Variants in SNTB1 observed in about 807,000 individuals in gnomAD.
The protein encoded by SNTB1 is syntrophin beta 1.
Under a neutral mutation model 48.9 loss-of-function variants are expected in SNTB1, and 36 were observed. That is an observed-to-expected ratio of 0.74 (90% CI 0.56 to 0.97). The LOEUF (loss-of-function observed/expected upper bound fraction) is 0.97, where lower values mean the gene tolerates loss of function less well. Ranked by LOEUF, SNTB1 falls within the 50% of genes least tolerant of loss-of-function variation. The pLI is 0.00. For synonymous variants in SNTB1, 299 were observed against 294.6 expected, an observed-to-expected ratio of 1.01 and a Z score of -0.15; for missense variants, 786 against 703.4, an observed-to-expected ratio of 1.12 and a Z score of -1.33.
chr8:120,746,201 C>T (rs770642361), intron 1 of SNTB1, among the ~76,000 whole-genome samples: 60 of 152,284 alleles, frequency 3.9e-4, no homozygotes, highest in South Asian at 8.3e-4. Context: ...CCTCAGCCTA[C>T]TCAACATGAA....
intron 3 of SNTB1, among the ~76,000 whole-genome samples, chr8:120,627,322 ATG>A (rs201291292): frequency 6.6e-6 from 1 of 151,984 alleles, no homozygotes; most frequent in African/African-American, 2.4e-5. Context: ...ATTCATGGAT[ATG>A]TGTGTGTGTG....
At chr8:120,765,590 G>A (rs1819507701) in intron 1 of SNTB1, among the ~76,000 whole-genome samples, 1 of 152,018 alleles carries the variant, frequency 6.6e-6, no homozygotes, top group East Asian at 1.9e-4. Context: ...AGGCAGACAG[G>A]CAAAAAATGC....
chr8:120,779,285 A>G lies in SNTB1; in HGVS notation c.571+31988T>C, dbSNP rs141397676. Among the ~76,000 whole-genome samples, 1,024 of 152,258 alleles carry G rather than the reference A, an allele frequency of 6.7e-3. 3 individuals are homozygous for G. Among genetic ancestry groups the G allele is most frequent in the Non-Finnish European group, 8.5e-3 (580 of 68,004 alleles). On this transcript the variant is annotated intron_variant, in intron 1 of 6. Transcript: ENST00000517992. Reference sequence around the variant, plus strand: ...TTTGGGAGGTCGAGGTAGGCAGATCACAAGGTCAGGAGATTGAGACCATAC... The same window carrying G: ...TTTGGGAGGTCGAGGTAGGCAGATCGCAAGGTCAGGAGATTGAGACCATAC...
chr8:120,754,224 T>G (rs992453402), intron 1 of SNTB1, among the ~76,000 whole-genome samples: 2 of 151,980 alleles, frequency 1.3e-5, no homozygotes, highest in African/African-American at 4.8e-5. Flanking sequence ...GAAATATAGT[T>G]AAGAAATAAA....
At chr8:120,705,537 G>A (rs1818366533) in intron 1 of SNTB1, among the ~76,000 whole-genome samples, 1 of 152,162 alleles carries the variant, frequency 6.6e-6, no homozygotes, top group African/African-American at 2.4e-5. Flanking sequence ...CTGGGAGGTG[G>A]TGACTTCCCT....
chr8:120,588,588 A>G (rs751416553), intron 3 of SNTB1, among the ~76,000 whole-genome samples: 1 of 152,044 alleles, frequency 6.6e-6, no homozygotes, highest in Non-Finnish European at 1.5e-5. Context: ...TAGTAAGGAC[A>G]TAAATCTTAT....
chr8:120,725,527 G>T (rs923101180), intron 1 of SNTB1, among the ~76,000 whole-genome samples: 1 of 152,190 alleles, frequency 6.6e-6, no homozygotes, highest in Non-Finnish European at 1.5e-5. Context: ...ACAATGTTGT[G>T]TACAAAGCTC....
Position 120,548,790 on chromosome 8 carries a change from A to C in SNTB1, c.1305T>G (p.Ser435=). The change falls in exon 5 of 7, where the codon TCT becomes TCG. Residue 435 remains serine (S), a synonymous_variant. Transcript: ENST00000517992. Reference sequence around the variant, plus strand: ...TGCTGATTTCAGCAATGAGTTCAGCAGAATTGTGGCAACCCTGTACTATGC... The same window carrying C: ...TGCTGATTTCAGCAATGAGTTCAGCCGAATTGTGGCAACCCTGTACTATGC... ...TRSIVQGCHN[S]AELIAEISTA... The C allele has an allele frequency of 6.2e-7, 1 of 1,614,146 alleles. No homozygotes were observed. Among genetic ancestry groups the C allele is most frequent in the South Asian group, 1.1e-5 (1 of 91,086 alleles).
chr8:120,799,755 T>C (rs59725510), intron 1 of SNTB1, among the ~76,000 whole-genome samples: 3,890 of 152,050 alleles, frequency 0.026, 164 homozygotes, highest in African/African-American at 0.09. Flanking sequence ...GTGTCCTTAG[T>C]GACTTAGTGA....
chr8:120,571,721 A>T (rs1483632627), intron 4 of SNTB1, among the ~76,000 whole-genome samples: 1 of 151,258 alleles, frequency 6.6e-6, no homozygotes, highest in African/African-American at 2.4e-5. Context: ...CTGGTCTCGA[A>T]CTCCTGATTT....
intron 1 of SNTB1, among the ~76,000 whole-genome samples, chr8:120,725,405 C>T (rs575659985): frequency 2.6e-5 from 4 of 152,276 alleles, no homozygotes; most frequent in Non-Finnish European, 5.9e-5. Context: ...AATCAACTAC[C>T]TGCACCTAGG....
At chr8:120,704,803 T>G (rs1247492570) in intron 1 of SNTB1, among the ~76,000 whole-genome samples, 1 of 152,108 alleles carries the variant, frequency 6.6e-6, no homozygotes, top group Non-Finnish European at 1.5e-5. Context: ...AGGCACTAAA[T>G]AAAAAGATGA....
intron 2 of SNTB1, among the ~76,000 whole-genome samples, chr8:120,665,213 A>T (rs1457113910): frequency 6.6e-6 from 1 of 152,072 alleles, no homozygotes; most frequent in Non-Finnish European, 1.5e-5. Flanking sequence ...GTGCTTTGGG[A>T]GGCCGAGGTG....
In SNTB1 at chr8:120,575,307, G is replaced by T. The variant is rs966267652; in HGVS notation, c.997-82C>A. On this transcript the variant is annotated intron_variant, in intron 3 of 6. Transcript: ENST00000517992. ...GAAGTTGGCATCCCCCTAATCAGAG[G>T]ACTCAGCAATACATTGAGTGTCTTT... 6 of 1,521,886 alleles carry T rather than the reference G, an allele frequency of 3.9e-6. No individual in the cohort carries two copies. In the Admixed American group the frequency reaches 1.0e-4, roughly 26 times the overall value. 94.3% of individuals were successfully genotyped at this position (1,521,886 alleles called of 1,614,324 possible). A position where few individuals can be genotyped will look rare whatever the true frequency, so the allele number is the denominator to read the frequency against.
intron 4 of SNTB1, among the ~76,000 whole-genome samples, chr8:120,573,000 C>T (rs1029476244): frequency 2.0e-5 from 3 of 152,174 alleles, no homozygotes; most frequent in Non-Finnish European, 4.4e-5. Context: ...GCGTAACTAC[C>T]TCTTTAAGAC....
chr8:120,706,201 G>C (rs550392241), intron 1 of SNTB1, among the ~76,000 whole-genome samples: 86 of 152,112 alleles, frequency 5.7e-4, no homozygotes, highest in Non-Finnish European at 1.0e-3. Context: ...GCATTGCAAG[G>C]ATGTCTCTTT....
chr8:120,799,532 A>G (rs1820179796), intron 1 of SNTB1, among the ~76,000 whole-genome samples: 3 of 151,988 alleles, frequency 2.0e-5, no homozygotes, highest in Admixed American at 2.0e-4. Context: ...GATAGATGGA[A>G]TGAAAAATCA....
intron 5 of SNTB1, among the ~76,000 whole-genome samples, chr8:120,545,113 G>T (rs1477503298): frequency 2.0e-4 from 31 of 152,288 alleles, no homozygotes; most frequent in Non-Finnish European, 1.5e-4. Context: ...GGAGGCCGAG[G>T]TGGGTGGATC....
At chr8:120,594,111 T>C (rs924507152) in intron 3 of SNTB1, among the ~76,000 whole-genome samples, 6 of 152,094 alleles carry the variant, frequency 3.9e-5, no homozygotes, top group African/African-American at 1.4e-4. Context: ...TCACCCAGGC[T>C]GAAGTGGGGT....
Sources: gnomAD v4.1 joint callset for allele counts (sites outside exome capture counted in the v4.1 genomes callset) on GRCh38, gnomAD v4.1.1 for gene constraint, MANE v1.5 for transcripts, NCBI Gene and HGNC (gene_info 2026-07-23, HGNC 2026-07-21) for gene names.